The following CPLX1 variants were observed in gnomAD, a reference collection of about 807,000 sequenced individuals.
The protein encoded by CPLX1 is complexin 1.
A neutral mutation model predicts 15.6 loss-of-function variants in CPLX1; 6 were observed. The ratio of observed to expected loss-of-function variants is 0.39; its 90% CI spans 0.21 to 0.76. The LOEUF is 0.76. Among genes scored for constraint, CPLX1 ranks in the 30% least tolerant of loss-of-function variants. The probability of loss-of-function intolerance (pLI) is 0.43; values close to 1 mark genes in which losing one functional copy is unlikely to be tolerated. For synonymous variants in CPLX1, 91 were observed against 75.2 expected (o/e 1.21, Z -1.08); for missense variants, 242 against 188.6 (o/e 1.28, Z -1.66).
At chr4:820,156 GGACC>G (rs1746834416) in intron 2 of CPLX1, among the ~76,000 whole-genome samples, 1 of 127,572 alleles carries the variant, frequency 7.8e-6, no homozygotes, top group South Asian at 3.0e-4. Context: ...CCGTCCTCCC[GGACC>G]CAGCTCAGCC....
At chr4:824,462 C>A in intron 2 of CPLX1, 30 bp downstream of exon 2, 1 of 1,600,916 alleles carries the variant, frequency 6.2e-7, no homozygotes, top group East Asian at 2.2e-5. Context: ...GTCCCCTCAG[C>A]CCCTCCCCAC....
At position 812,993 on chromosome 4, in the gene CPLX1, G is replaced by A. The variant is rs554625607; in HGVS notation, c.31+11499C>T. On this transcript the variant is annotated intron_variant, in intron 2 of 3. Coordinates refer to ENST00000304062, the MANE Select transcript of CPLX1 (RefSeq NM_006651.4). ...AGTAAAGAAACTGAACAGGCTGGGA[G>A]CGGTGGCTCACACCTGTAATCCCAG... Among the ~76,000 whole-genome samples the A allele has an allele frequency of 7.7e-4, 117 of 152,102 alleles. 1 individual carries two copies. Among genetic ancestry groups the A allele is most frequent in the African/African-American group, 2.7e-3 (112 of 41,496 alleles).
intron 2 of CPLX1, among the ~76,000 whole-genome samples, chr4:795,884 G>C (rs1746325053): frequency 6.6e-6 from 1 of 152,148 alleles, no homozygotes; most frequent in African/African-American, 2.4e-5. Context: ...CCTCCCGGTA[G>C]CAGAAGGGGC....
Position 824,504 on chromosome 4 carries a change from G to T in CPLX1, c.19C>A (p.Gln7Lys). 3 of 1,612,836 alleles carry T rather than the reference G, an allele frequency of 1.9e-6. No individual in the cohort carries two copies. Among genetic ancestry groups the T allele is most frequent in the Non-Finnish European group, 2.5e-6 (3 of 1,179,750 alleles). MEFVMK[Q>K]ALGGATKDMG... ...TCCCGCTTCCTACCTCCTAGAGCCT[G>T]CTTCATCACAAACTCCATGGCGATT... The change falls in exon 2 of 4, where the codon CAG (glutamine) becomes AAG (lysine). Residue 7 changes from glutamine (Q) to lysine (K), a missense_variant. By Grantham distance (53) the Gln-to-Lys change is moderately conservative. Coordinates refer to ENST00000304062, the MANE Select transcript of CPLX1 (RefSeq NM_006651.4).
At chr4:798,040 C>T (rs1001528757) in intron 2 of CPLX1, among the ~76,000 whole-genome samples, 39 of 152,158 alleles carry the variant, frequency 2.6e-4, no homozygotes, top group African/African-American at 7.7e-4. Context: ...TTTGGGAGGC[C>T]GAGGTGGGTG....
intron 2 of CPLX1, among the ~76,000 whole-genome samples, chr4:796,854 GGA>G (rs1746352054): frequency 6.6e-6 from 1 of 152,200 alleles, no homozygotes; most frequent in Non-Finnish European, 1.5e-5. Flanking sequence ...AGGAAAAAGA[GGA>G]GAGTGAGGTC....
chr4:810,572 G>A (rs1029475311), intron 2 of CPLX1, among the ~76,000 whole-genome samples: 2 of 152,202 alleles, frequency 1.3e-5, no homozygotes, highest in African/African-American at 2.4e-5. Context: ...GCATCTCGCT[G>A]TGGTGTGTCC....
At chr4:814,994 A>G (rs1746725592) in intron 2 of CPLX1, among the ~76,000 whole-genome samples, 1 of 152,282 alleles carries the variant, frequency 6.6e-6, no homozygotes, top group African/African-American at 2.4e-5. Flanking sequence ...AACAGAGCTC[A>G]GAGACAACAC....
chr4:814,038 G>A (rs1410590948), intron 2 of CPLX1, among the ~76,000 whole-genome samples: 2 of 152,210 alleles, frequency 1.3e-5, no homozygotes, highest in Non-Finnish European at 2.9e-5. Context: ...AGCCACACCT[G>A]GGCGACCCAA....
intron 3 of CPLX1, chr4:788,182 G>A: frequency 1.2e-5 from 12 of 985,318 alleles, no homozygotes; most frequent in Non-Finnish European, 1.4e-5. Context: ...CCCCATAGAA[G>A]CAGTTGGTTC....
intron 2 of CPLX1, among the ~76,000 whole-genome samples, chr4:803,588 G>A (rs1746500338): frequency 6.7e-6 from 1 of 148,556 alleles, no homozygotes; most frequent in Admixed American, 6.7e-5. Context: ...TAGTAGAGAC[G>A]GGGTTTCACC....
rs182327041 is a variant in CPLX1, at chr4:821,263, C to T, written c.31+3229G>A. Among the ~76,000 whole-genome samples the T allele has an allele frequency of 7.1e-4, 108 of 152,328 alleles. 1 individual carries two copies. Among genetic ancestry groups the T allele is most frequent in the African/African-American group, 2.6e-3 (107 of 41,576 alleles). On this transcript the variant is annotated intron_variant, in intron 2 of 3. Coordinates refer to ENST00000304062, the MANE Select transcript of CPLX1 (RefSeq NM_006651.4). Reference sequence around the variant, plus strand: ...ACTGGACCTGCCCGCTAGACCTCCCCACACGTGGCAGAGCCGAGCATGGGT... The same window carrying T: ...ACTGGACCTGCCCGCTAGACCTCCCTACACGTGGCAGAGCCGAGCATGGGT...
In CPLX1 at chr4:792,602, G is replaced by A. The variant is rs1355748719; in HGVS notation, c.38C>T (p.Thr13Ile). The change falls in exon 3 of 4, where the codon ACC (threonine) becomes ATC (isoleucine). Residue 13 changes from threonine to isoleucine, a missense_variant. Thr to Ile is a moderately conservative substitution (Grantham distance 89). Transcript: ENST00000304062. ...CCCCAGCATCTTCCCCATGTCCTTG[G>A]TGGCCCCTGGTACAGAAGTTGGTGA... is the stretch of plus-strand genomic sequence containing the variant. ...FVMKQALGGA[T>I]KDMGKMLGGD... 1 of 1,611,328 alleles carries A rather than the reference G, an allele frequency of 6.2e-7. No homozygotes were observed. Among genetic ancestry groups the A allele is most frequent in the Admixed American group, 1.7e-5 (1 of 59,870 alleles).
Position 786,521 on chromosome 4 carries a change from G to C in CPLX1, c.385C>G (p.Gln129Glu). ...CGCGGCTACTTCTTGAGCATGTCCT[G>C]CAGCGGCCCGGGCAGGTACTTGATG... ...TVIKYLPGPL[Q>E]DMLKK Residue 129 changes from glutamine (Q) to glutamate (E), a missense_variant, in exon 4 of 4, where the codon CAG becomes GAG. By Grantham distance (29) the Gln-to-Glu change is conservative (BLOSUM62 2). Coordinates refer to ENST00000304062, the MANE Select transcript of CPLX1 (RefSeq NM_006651.4). The C allele has an allele frequency of 6.3e-7, 1 of 1,597,568 alleles. No homozygotes were observed. The highest frequency in any genetic ancestry group is 8.5e-7 in the Non-Finnish European group (1 of 1,172,100).
chr4:801,041 G>A (rs558359683), intron 2 of CPLX1, among the ~76,000 whole-genome samples: 130 of 150,360 alleles, frequency 8.6e-4, no homozygotes, highest in African/African-American at 2.6e-3. Flanking sequence ...TTGGCCGGAC[G>A]CAGTGGCTCA....
intron 1 of CPLX1, among the ~76,000 whole-genome samples, 146 bp downstream of exon 1, chr4:825,891 AGCCGGGGCC>A (rs1746975435): frequency 4.1e-4 from 5 of 12,130 alleles, no homozygotes; most frequent in South Asian, 3.0e-3. Flanking sequence ...AGCTGGGCGA[AGCCGGGGCC>A]GCGGGGAGAA....
intron 1 of CPLX1, among the ~76,000 whole-genome samples, chr4:825,664 C>A: frequency 6.6e-6 from 1 of 151,712 alleles, no homozygotes; most frequent in East Asian, 2.0e-4. Context: ...GAGGAGGAGG[C>A]CGGGCGCGGG....
At chr4:820,115 C>T (rs1043528487) in intron 2 of CPLX1, among the ~76,000 whole-genome samples, 1 of 152,136 alleles carries the variant, frequency 6.6e-6, no homozygotes, top group Non-Finnish European at 1.5e-5. Flanking sequence ...ACCGTCCTCC[C>T]AGGTCCAGCT....
chr4:802,849 G>A (rs1259650640), intron 2 of CPLX1, among the ~76,000 whole-genome samples: 1 of 151,946 alleles, frequency 6.6e-6, no homozygotes, highest in Non-Finnish European at 1.5e-5. Flanking sequence ...TACTCAGGAG[G>A]CTGAGGCAGG....
Sources: allele counts gnomAD v4.1 joint callset (sites outside exome capture counted in the v4.1 genomes callset), GRCh38; gene constraint gnomAD v4.1.1; transcripts MANE v1.5; gene names NCBI Gene and HGNC (gene_info 2026-07-23, HGNC 2026-07-21).